TPD52: variants seen among roughly 807,000 people sequenced by gnomAD.
The protein encoded by TPD52 is prostate and colon associated protein.
A neutral mutation model predicts 31.3 loss-of-function variants in TPD52; 17 were observed. The ratio of observed to expected loss-of-function variants is 0.54; its 90% confidence interval spans 0.37 to 0.82. The LOEUF is 0.82. TPD52 is among the 40% of genes least tolerant of loss of function. The probability of loss-of-function intolerance (pLI) is 0.00; values close to 1 mark genes in which losing one functional copy is unlikely to be tolerated. For missense variants in TPD52, 212 were observed against 240.1 expected, an observed-to-expected ratio of 0.88 and a Z score of 0.77; for synonymous variants, 83 against 89.6, an observed-to-expected ratio of 0.93 and a Z score of 0.42.
At chr8:80,050,364 C>A (rs1403841106) in intron 5 of TPD52, 81 bp downstream of exon 5, 3 of 1,378,760 alleles carry the variant, frequency 2.2e-6, no homozygotes, top group African/African-American at 2.9e-5. Context: ...CACGATCATC[C>A]AACGTAGCAT....
chr8:80,072,854 G>A, intron 1 of TPD52, among the ~76,000 whole-genome samples: 1 of 150,870 alleles, frequency 6.6e-6, no homozygotes, highest in Admixed American at 6.6e-5. Context: ...TGTAATCCCT[G>A]CACTTTGGGA....
At chr8:80,069,308 CA>C (rs1813498991) in intron 1 of TPD52, among the ~76,000 whole-genome samples, 1 of 151,076 alleles carries the variant, frequency 6.6e-6, no homozygotes, top group Non-Finnish European at 1.5e-5. Context: ...TACAAAAACT[CA>C]AAAACCATTA....
chr8:80,166,688 G>A (rs1044531932), intron 1 of TPD52, among the ~76,000 whole-genome samples: 1 of 151,820 alleles, frequency 6.6e-6, no homozygotes, highest in African/African-American at 2.4e-5. Flanking sequence ...CAGATCACCT[G>A]AGGTCAGGAG....
chr8:80,058,499 C>CAAAT (rs1156745261), intron 2 of TPD52, among the ~76,000 whole-genome samples: 1 of 152,162 alleles, frequency 6.6e-6, no homozygotes, highest in Non-Finnish European at 1.5e-5. Context: ...ATGCCCTCTA[C>CAAAT]AAATATAAAA....
At chr8:80,159,032 A>G (rs936082846) in intron 1 of TPD52, 1 of 151,890 alleles carries the variant, frequency 6.6e-6, no homozygotes, top group Non-Finnish European at 1.5e-5. Context: ...CTTATTGAGC[A>G]CTATGTCCAA....
chr8:80,049,600 AT>A lies in TPD52; in HGVS notation c.413+844del, dbSNP rs369241970. 3.1e-3 allele frequency among the ~76,000 whole-genome samples: 471 copies of A among 152,284 alleles called. 3 individuals carry two copies. The highest frequency in any genetic ancestry group is 0.01 in the African/African-American group (435 of 41,570). ...TTGCTTAAGAAAATAATCTGCATCC[AT>A]AGGAACAGAGATGAAGACTACTATA... is the stretch of plus-strand genomic sequence containing the variant. On this transcript the variant is annotated intron_variant, in intron 5 of 7. Transcript: ENST00000518937.
intron 1 of TPD52, among the ~76,000 whole-genome samples, chr8:80,089,569 A>C (rs561193368): frequency 6.6e-6 from 1 of 152,346 alleles, no homozygotes; most frequent in South Asian, 2.1e-4. Flanking sequence ...TTTGAAGAGA[A>C]GAGAGGCCCT....
At chr8:80,053,160 C>T (rs543159070) in intron 3 of TPD52, 122 bp downstream of exon 3, 89 of 1,096,422 alleles carry the variant, frequency 8.1e-5, no homozygotes, top group Admixed American at 1.6e-4. Flanking sequence ...AAAAAGGGTG[C>T]CGTGTCGTCC....
intron 1 of TPD52, among the ~76,000 whole-genome samples, chr8:80,077,143 C>T (rs970238013): frequency 3.9e-5 from 6 of 151,948 alleles, no homozygotes; most frequent in Non-Finnish European, 7.4e-5. Flanking sequence ...GATGTGGTGA[C>T]GCGCACCTAT....
chr8:80,132,958 C>T (rs1809128354), intron 1 of TPD52, among the ~76,000 whole-genome samples: 2 of 152,144 alleles, frequency 1.3e-5, no homozygotes, highest in Non-Finnish European at 2.9e-5. Flanking sequence ...ACTTTTGAGT[C>T]CATACTTGCT....
chr8:80,128,914 G>A (rs1808825410), intron 1 of TPD52, among the ~76,000 whole-genome samples: 1 of 150,778 alleles, frequency 6.6e-6, no homozygotes, highest in African/African-American at 2.4e-5. Flanking sequence ...TGCTAGATTA[G>A]TACCAGAATG....
intron 1 of TPD52, among the ~76,000 whole-genome samples, chr8:80,129,978 G>A (rs1000676291): frequency 5.3e-5 from 8 of 152,180 alleles, no homozygotes; most frequent in African/African-American, 1.7e-4. Context: ...GATTACAGGC[G>A]TAAGCCGTTG....
intron 2 of TPD52, among the ~76,000 whole-genome samples, chr8:80,054,127 G>A (rs181155337): frequency 6.6e-6 from 1 of 152,298 alleles, no homozygotes; most frequent in Non-Finnish European, 1.5e-5. Flanking sequence ...GCCAGTGGAT[G>A]AGCCCAGTGT....
intron 1 of TPD52, among the ~76,000 whole-genome samples, chr8:80,067,863 T>C (rs141585627): frequency 2.6e-4 from 39 of 152,012 alleles, no homozygotes; most frequent in African/African-American, 8.7e-4. Context: ...AATTTTGCCT[T>C]ATATATTCGT....
intron 2 of TPD52, among the ~76,000 whole-genome samples, chr8:80,060,438 T>A (rs1469358638): frequency 1.3e-5 from 2 of 152,052 alleles, no homozygotes; most frequent in Non-Finnish European, 2.9e-5. Context: ...ACCAAACATT[T>A]AAAGAATGGA....
At chr8:80,142,997 T>A (rs1326820272) in intron 1 of TPD52, among the ~76,000 whole-genome samples, 1 of 152,106 alleles carries the variant, frequency 6.6e-6, no homozygotes, top group Non-Finnish European at 1.5e-5. Context: ...TCAGCTGCCA[T>A]GTCTTAAGTA....
chr8:80,132,220 G>A (rs1383917920), intron 1 of TPD52, among the ~76,000 whole-genome samples: 1 of 152,076 alleles, frequency 6.6e-6, no homozygotes, highest in African/African-American at 2.4e-5. Context: ...AATTGTGATT[G>A]CTACTGTTTG....
intron 1 of TPD52, chr8:80,080,819 A>C (rs1427471652): frequency 7.5e-6 from 7 of 928,580 alleles, no homozygotes; most frequent in Non-Finnish European, 9.0e-6. Flanking sequence ...GTTCAGGCAA[A>C]CATCAGACAC....
downstream of TPD52, chr8:80,033,137 T>C (rs1469905171): frequency 6.6e-5 from 10 of 152,526 alleles, no homozygotes; most frequent in South Asian, 2.1e-4. Flanking sequence ...CACCAGTGTC[T>C]GGGCAAGGGA....
Sources: allele counts gnomAD v4.1 joint callset (sites outside exome capture counted in the v4.1 genomes callset), GRCh38; gene constraint gnomAD v4.1.1; transcripts MANE v1.5; gene names NCBI Gene and HGNC (gene_info 2026-07-23, HGNC 2026-07-21).